Variants in OPHN1 observed in about 807,000 individuals in gnomAD.
OPHN1 encodes the protein oligophrenin 1, also known as oligophrenin-1.
In OPHN1, 11 loss-of-function variants were observed where a neutral mutation model predicts 60.7. The ratio of observed to expected loss-of-function variants is 0.18; its 90% confidence interval spans 0.11 to 0.30. The LOEUF (loss-of-function observed/expected upper bound fraction) is 0.30, where lower values mean the gene tolerates loss of function less well. Ranked by LOEUF, OPHN1 falls within the 10% of genes least tolerant of loss-of-function variation. The pLI, the probability that OPHN1 is intolerant of heterozygous loss-of-function variation, is 1.00. For missense variants in OPHN1, 449 were observed against 611.0 expected (o/e 0.73, Z 2.80); for synonymous variants, 226 against 222.6 (o/e 1.02, Z -0.14).
intron 2 of OPHN1, among the ~76,000 whole-genome samples, chrX:68,404,500 T>C (rs2078731707): frequency 9.0e-6 from 1 of 111,461 alleles, no homozygotes; most frequent in Non-Finnish European, 1.9e-5. Flanking sequence ...GCAATCCCAC[T>C]TCTGGGTACA....
intron 2 of OPHN1, among the ~76,000 whole-genome samples, chrX:68,356,591 T>G (rs925920211): frequency 1.4e-4 from 16 of 110,481 alleles, no homozygotes; most frequent in African/African-American, 5.3e-4. Flanking sequence ...TTTTATATTT[T>G]TAGTAGAGGT....
At chrX:68,378,901 G>C (rs1437684580) in intron 2 of OPHN1, among the ~76,000 whole-genome samples, 1 of 111,510 alleles carries the variant, frequency 9.0e-6, no homozygotes, top group African/African-American at 3.3e-5. Context: ...GCTTAGGATT[G>C]ACTTGGCAAT....
At chrX:68,117,470 T>C (rs2077132096) in intron 16 of OPHN1, among the ~76,000 whole-genome samples, 1 of 112,365 alleles carries the variant, frequency 8.9e-6, no homozygotes, top group Admixed American at 9.5e-5. Flanking sequence ...TCAGAGACCA[T>C]ATCTATACAC....
intron 5 of OPHN1, among the ~76,000 whole-genome samples, chrX:68,269,414 A>C (rs1272471438): frequency 9.0e-6 from 1 of 111,449 alleles, no homozygotes; most frequent in African/African-American, 3.3e-5. Context: ...AACAGAACAG[A>C]GCCCTCAGAA....
chrX:68,148,200 G>T (rs2077271455), intron 15 of OPHN1, among the ~76,000 whole-genome samples: 2 of 110,666 alleles, frequency 1.8e-5, no homozygotes, highest in African/African-American at 6.6e-5. Context: ...CATGGAACAA[G>T]AAAAAAACCA....
chrX:68,367,905 C>A (rs779504214), intron 2 of OPHN1, among the ~76,000 whole-genome samples: 2 of 111,808 alleles, frequency 1.8e-5, no homozygotes, highest in African/African-American at 6.5e-5. Context: ...CCATGCAGAA[C>A]TGTGAGTCAA....
intron 2 of OPHN1, among the ~76,000 whole-genome samples, chrX:68,360,324 C>T (rs1034788182): frequency 1.8e-5 from 2 of 110,145 alleles, no homozygotes; most frequent in Non-Finnish European, 3.8e-5. Flanking sequence ...ACTACAGTGA[C>T]GCGGCACCAA....
chrX:68,250,772 A>G (rs1283889264), intron 5 of OPHN1, among the ~76,000 whole-genome samples: 2 of 112,112 alleles, frequency 1.8e-5, no homozygotes, highest in Non-Finnish European at 3.7e-5. Flanking sequence ...CTATATGAGC[A>G]TGATATGAAT....
At chrX:68,354,865 G>A (rs1435792236) in intron 2 of OPHN1, among the ~76,000 whole-genome samples, 1 of 111,615 alleles carries the variant, frequency 9.0e-6, no homozygotes, top group Non-Finnish European at 1.9e-5. Flanking sequence ...ATAAGGCTCT[G>A]CTCATCCCTA....
chrX:68,090,242 C>CTG (rs10549357), intron 19 of OPHN1, among the ~76,000 whole-genome samples: 9,300 of 98,031 alleles, frequency 0.095, 471 homozygotes, highest in East Asian at 0.38. Flanking sequence ...GTGTGTGTGT[C>CTG]TGTGTGTGTG....
At position 68,193,981 on chromosome X, in the gene OPHN1, T is replaced by G. The variant is rs191910197; in HGVS notation, c.1139-29A>C. Reference sequence around the variant, plus strand: ...TTTCAAGCAAAGGAAAAGAGTTAGATCCTGCTGCAACAGGTGTCACCTATT... The same window carrying G: ...TTTCAAGCAAAGGAAAAGAGTTAGAGCCTGCTGCAACAGGTGTCACCTATT... On this transcript the variant is annotated intron_variant, in intron 13 of 24. Transcript: ENST00000355520. The G allele has an allele frequency of 3.0e-4, 344 of 1,139,943 alleles. 1 individual carries two copies. Among genetic ancestry groups the G allele is most frequent in the South Asian group, 2.6e-3 (145 of 55,108 alleles). 93.9% of individuals were successfully genotyped at this position (1,139,943 alleles called of 1,213,427 possible).
intron 2 of OPHN1, among the ~76,000 whole-genome samples, chrX:68,374,511 G>C (rs2147734123): frequency 9.0e-6 from 1 of 110,704 alleles, no homozygotes; most frequent in African/African-American, 3.3e-5. Flanking sequence ...GAGTGCAGTG[G>C]CATGATCGTA....
At chrX:68,073,620 G>T (rs2076943394) in intron 19 of OPHN1, among the ~76,000 whole-genome samples, 1 of 111,825 alleles carries the variant, frequency 8.9e-6, no homozygotes, top group South Asian at 3.7e-4. Flanking sequence ...CTGAGCCTTG[G>T]CTTTCTCATC....
At chrX:68,112,318 A>C in intron 17 of OPHN1, 2 of 155,062 alleles carry the variant, frequency 1.3e-5, no homozygotes, top group Non-Finnish European at 2.5e-5. Context: ...AAAGAGAAGG[A>C]TGAGAAGAGA....
intron 15 of OPHN1, among the ~76,000 whole-genome samples, chrX:68,191,327 A>T (rs1421085822): frequency 8.9e-6 from 1 of 111,755 alleles, no homozygotes; most frequent in Non-Finnish European, 1.9e-5. Flanking sequence ...CTATATAAAG[A>T]TGATCATTCT....
chrX:68,212,310 G>A (rs1460855078), intron 7 of OPHN1, 98 bp from the exon 8 acceptor site: 6 of 605,918 alleles, frequency 9.9e-6, no homozygotes. Context: ...GGTGTGGCTG[G>A]GTGTGGTGGC....
rs1555951821 is a variant in OPHN1, at chrX:68,195,063, G to GAAGGAAGGAAGA, written c.1105-566_1105-565insTCTTCCTTCCTT. ...GGAAGGAAGGAAGGAAGGAAGGAAG[G>GAAGGAAGGAAGA]AAGAAAGAAAGAAAATACTTGAACA... On this transcript the variant is annotated intron_variant, in intron 12 of 24. Transcript: ENST00000355520. 4.8e-4 allele frequency among the ~76,000 whole-genome samples: 44 copies of GAAGGAAGGAAGA among 92,191 alleles called. 1 individual carries two copies. The highest frequency in any genetic ancestry group is 9.8e-4 in the South Asian group (2 of 2,044). 80.1% of individuals were successfully genotyped at this position (92,191 alleles called of 115,157 possible). A position where few individuals can be genotyped will look rare whatever the true frequency, so the allele number is the denominator to read the frequency against.
intron 15 of OPHN1, among the ~76,000 whole-genome samples, chrX:68,170,814 G>T (rs2077387292): frequency 9.7e-6 from 1 of 102,905 alleles, no homozygotes; most frequent in African/African-American, 3.5e-5. Context: ...GATAGCTTTA[G>T]GAGATATACC....
chrX:68,377,071 A>G (rs1434980600), intron 2 of OPHN1, among the ~76,000 whole-genome samples: 1 of 105,051 alleles, frequency 9.5e-6, no homozygotes, highest in Admixed American at 1.1e-4. Context: ...CTGGGATTGC[A>G]GACTCACGCC....
Sources: allele counts gnomAD v4.1 joint callset (sites outside exome capture counted in the v4.1 genomes callset), GRCh38; gene constraint gnomAD v4.1.1; transcripts MANE v1.5; gene names NCBI Gene and HGNC (gene_info 2026-07-23, HGNC 2026-07-21).